SLC71A1: variants seen among roughly 807,000 people sequenced by gnomAD.
SLC71A1 encodes the protein solute carrier family 71 member 1, also known as hippocampus abundant gene transcript 1.
chr1:100,073,881 A>AAAATTTTTTCAAAAT, the SLC71A1 span, among the ~76,000 whole-genome samples: 1 of 152,236 alleles, frequency 6.6e-6, no homozygotes, highest in Non-Finnish European at 1.5e-5. Context: ...AGTTAAATTA[A>AAAATTTTTTCAAAAT]GGGACACCAA....
At chr1:100,073,635 C>T in the SLC71A1 span, among the ~76,000 whole-genome samples, 5 of 152,298 alleles carry the variant, frequency 3.3e-5, no homozygotes, top group South Asian at 2.1e-4. Flanking sequence ...AATAAGCAGG[C>T]TCATATGCAT....
chr1:100,042,811 T>C, the SLC71A1 span, among the ~76,000 whole-genome samples: 3 of 152,120 alleles, frequency 2.0e-5, no homozygotes, highest in African/African-American at 4.8e-5. Context: ...GATTTTACCA[T>C]GTTGGCCAGG....
the SLC71A1 span, among the ~76,000 whole-genome samples, chr1:100,052,338 A>G: frequency 9.2e-3 from 1,387 of 151,070 alleles, 24 homozygotes; most frequent in African/African-American, 0.032. Flanking sequence ...AAGGGAGGCT[A>G]TCTTTTTTAA....
chr1:100,054,488 G>A, the SLC71A1 span, among the ~76,000 whole-genome samples: 1 of 152,090 alleles, frequency 6.6e-6, no homozygotes, highest in African/African-American at 2.4e-5. Context: ...TGGGATTACA[G>A]GCGTGAGCCA....
the SLC71A1 span, among the ~76,000 whole-genome samples, chr1:100,044,097 G>A: frequency 1.5e-4 from 23 of 152,120 alleles, no homozygotes; most frequent in African/African-American, 5.6e-4. Flanking sequence ...TCAAACAGTA[G>A]TTCTATTTTT....
At chr1:100,039,776 G>C in the SLC71A1 span, among the ~76,000 whole-genome samples, 2,038 of 152,302 alleles carry the variant, frequency 0.013, 18 homozygotes, top group Middle Eastern at 0.058. Context: ...TGATATTTAA[G>C]ATCAGTATTT....
chr1:100,064,380 C>T, the SLC71A1 span, among the ~76,000 whole-genome samples: 16 of 152,324 alleles, frequency 1.1e-4, no homozygotes, highest in Admixed American at 6.5e-4. Context: ...CCGCCTGCCT[C>T]GGCCTCCCAA....
chr1:100,042,731 C>G, the SLC71A1 span, among the ~76,000 whole-genome samples: 1 of 152,104 alleles, frequency 6.6e-6, no homozygotes. Context: ...CCTTAGCCTC[C>G]TGAATAGCTG....
the SLC71A1 span, chr1:100,038,241 G>A: frequency 1.3e-6 from 2 of 1,558,026 alleles, no homozygotes; most frequent in South Asian, 1.2e-5. Context: ...AAATGACCCA[G>A]GGGAAGAAGA....
chr1:100,078,637 T>C, the SLC71A1 span: 1 of 920,186 alleles, frequency 1.1e-6, no homozygotes. Flanking sequence ...AACATAAGTA[T>C]ATCTTCAGGG....
chr1:100,071,343 T>C, the SLC71A1 span, among the ~76,000 whole-genome samples: 1 of 144,302 alleles, frequency 6.9e-6, no homozygotes. Context: ...TGGTGGTGTG[T>C]GCCTGTAGTC....
the SLC71A1 span, chr1:100,042,995 G>C: frequency 1.7e-6 from 1 of 592,128 alleles, no homozygotes; most frequent in African/African-American, 2.0e-5. Context: ...TAATTACTTA[G>C]CTCCTTACCT....
the SLC71A1 span, among the ~76,000 whole-genome samples, chr1:100,056,963 A>C: frequency 6.6e-6 from 1 of 152,192 alleles, no homozygotes; most frequent in African/African-American, 2.4e-5. Flanking sequence ...CCTATTGGTC[A>C]CTTTGAGAAA....
the SLC71A1 span, among the ~76,000 whole-genome samples, chr1:100,038,522 C>T: frequency 6.6e-6 from 1 of 152,184 alleles, no homozygotes; most frequent in Non-Finnish European, 1.5e-5. Context: ...CCTCCGGGGC[C>T]CGTCCTCTTT....
At chr1:100,078,515 C>T in the SLC71A1 span, 1 of 1,613,692 alleles carries the variant, frequency 6.2e-7, no homozygotes, top group Non-Finnish European at 8.5e-7. Context: ...TGTCAGTGCA[C>T]TTGTTTCACG....
the SLC71A1 span, chr1:100,062,128 GTT>G: frequency 4.1e-6 from 2 of 484,450 alleles, no homozygotes; most frequent in South Asian, 3.8e-5. Flanking sequence ...GGCTATGTAA[GTT>G]TTGATTCTTT....
the SLC71A1 span, among the ~76,000 whole-genome samples, chr1:100,045,384 G>A: frequency 0.011 from 1,731 of 152,160 alleles, 38 homozygotes; most frequent in African/African-American, 0.04. Flanking sequence ...ATCAGATCTC[G>A]GAGCTTTTTG....
At chr1:100,038,670 G>T in the SLC71A1 span, among the ~76,000 whole-genome samples, 2 of 152,076 alleles carry the variant, frequency 1.3e-5, no homozygotes, top group Admixed American at 6.6e-5. Context: ...CGTCGCCGCA[G>T]CCTCGCCTCG....
the SLC71A1 span, among the ~76,000 whole-genome samples, chr1:100,070,655 A>G: frequency 2.0e-5 from 3 of 152,122 alleles, no homozygotes; most frequent in African/African-American, 7.2e-5. Flanking sequence ...TAAGAATACT[A>G]TCTTTTTTCC....
Sources: gnomAD v4.1 joint callset for allele counts (sites outside exome capture counted in the v4.1 genomes callset) on GRCh38, gnomAD v4.1.1 for gene constraint, MANE v1.5 for transcripts, NCBI Gene and HGNC (gene_info 2026-07-23, HGNC 2026-07-21) for gene names.